The following NPEPPS variants were observed in gnomAD, a reference collection of about 807,000 sequenced individuals.
The protein encoded by NPEPPS is puromycin-sensitive aminopeptidase.
A neutral mutation model predicts 115.5 loss-of-function variants in NPEPPS; 14 were observed. That is an observed-to-expected ratio of 0.12 (90% CI 0.08 to 0.19). The LOEUF (loss-of-function observed/expected upper bound fraction) is 0.19. NPEPPS is among the 10% of genes least tolerant of loss of function. The pLI is 1.00. For missense variants in NPEPPS, 523 were observed against 1,110.8 expected (o/e 0.47, Z 7.52); for synonymous variants, 285 against 390.6 (o/e 0.73, Z 3.19).
Position 47,591,803 on chromosome 17 carries a change from C to T in NPEPPS, c.1261-153C>T, listed in dbSNP as rs1912521957. On this transcript the variant is annotated intron_variant, in intron 10 of 22. Transcript: ENST00000322157. Reference sequence around the variant, plus strand: ...TATTCAACTTTATTATTATTAGTTACTACATTTTTTTGAGGACCATCGTTA... The same window carrying T: ...TATTCAACTTTATTATTATTAGTTATTACATTTTTTTGAGGACCATCGTTA... 6.1e-6 allele frequency: 3 copies of T among 488,976 alleles called. No individual in the cohort carries two copies. In the Admixed American group the frequency reaches 1.1e-4, roughly 18 times the overall value. 30.3% of individuals were successfully genotyped at this position (488,976 alleles called of 1,614,324 possible). A position where few individuals can be genotyped will look rare whatever the true frequency, so the allele number is the denominator to read the frequency against.
intron 17 of NPEPPS, 95 bp from the exon 18 acceptor site, chr17:47,612,365 G>C (rs1162564173): frequency 7.9e-7 from 1 of 1,258,572 alleles, no homozygotes; most frequent in African/African-American, 1.5e-5. Context: ...CAAGACCATA[G>C]AATTGGTATA....
At position 47,590,893 on chromosome 17, in the gene NPEPPS, T is replaced by A. The variant is rs779356106; in HGVS notation, c.1260+12T>A. On this transcript the variant is annotated intron_variant, in intron 10 of 22. Transcript: ENST00000322157. ...GCCATCCTATTGAAGTGAGCCATAC[T>A]TTCTAACCATTAGCCTATGACTGCT... The A allele has an allele frequency of 6.5e-7, 1 of 1,532,776 alleles. No homozygotes were observed. The highest frequency in any genetic ancestry group is 8.8e-7 in the Non-Finnish European group (1 of 1,137,100). The allele number at this position is 1,532,776 out of a possible 1,614,324, so 94.9% of individuals were successfully genotyped here. A position where few individuals can be genotyped will look rare whatever the true frequency, so the allele number is the denominator to read the frequency against.
chr17:47,556,249 C>T (rs1162864633), intron 2 of NPEPPS, among the ~76,000 whole-genome samples: 1 of 150,172 alleles, frequency 6.7e-6, no homozygotes, highest in Admixed American at 6.6e-5. Flanking sequence ...GTGTTTGTGT[C>T]CCTGGGTACT....
chr17:47,536,704 C>CTT (rs572115219), intron 1 of NPEPPS, among the ~76,000 whole-genome samples: 3,391 of 76,384 alleles, frequency 0.044, 188 homozygotes, highest in Non-Finnish European at 0.061. Context: ...TGCCTGGCTT[C>CTT]TTTTTTTTTT....
rs1257565195 is a variant in NPEPPS at position 47,618,433 on chromosome 17, A to G, written c.2379A>G (p.Gln793=). 5 of 1,613,654 alleles carry G rather than the reference A, an allele frequency of 3.1e-6. No homozygotes were observed. In the African/African-American group the frequency reaches 6.7e-5, roughly 22 times the overall value. Residue 793 remains glutamine (Q), a synonymous_variant, in exon 20 of 23, where the codon CAA becomes CAG. Transcript: ENST00000322157. ...CTACTCTTTTGCCTGACCTGATTCA[A>G]AAAGTCCTCACGTTTGCACTTTCAG... ...LGATLLPDLI[Q]KVLTFALSEE...
chr17:47,579,930 CGTGTGTGTGTGTGT>C (rs10591746), intron 4 of NPEPPS: 3,893 of 146,596 alleles, frequency 0.027, 64 homozygotes, highest in Non-Finnish European at 0.041. Flanking sequence ...TTTTTTTCTC[CGTGTGTGTGTGTGT>C]GTGTGTGTGT....
At chr17:47,559,866 C>T (rs565679878) in intron 2 of NPEPPS, among the ~76,000 whole-genome samples, 1 of 152,238 alleles carries the variant, frequency 6.6e-6, no homozygotes, top group African/African-American at 2.4e-5. Context: ...ACCTCGCCTC[C>T]CAAAATGCTG....
At chr17:47,604,305 T>G (rs1047898403) in intron 16 of NPEPPS, among the ~76,000 whole-genome samples, 6 of 152,218 alleles carry the variant, frequency 3.9e-5, no homozygotes, top group African/African-American at 1.4e-4. Flanking sequence ...AATTCCTTTC[T>G]TTTCAGTAGA....
intron 1 of NPEPPS, among the ~76,000 whole-genome samples, chr17:47,539,009 G>C (rs1426562994): frequency 6.6e-6 from 1 of 151,936 alleles, no homozygotes; most frequent in Non-Finnish European, 1.5e-5. Context: ...ATCAATTGCT[G>C]TGTGAGAGTT....
chr17:47,602,015 A>C, intron 15 of NPEPPS: 1 of 352,334 alleles, frequency 2.8e-6, no homozygotes, highest in Admixed American at 4.7e-5. Flanking sequence ...ATATGAACCA[A>C]AATATGTGTA....
At chr17:47,617,863 G>A (rs1914305429) in intron 19 of NPEPPS, among the ~76,000 whole-genome samples, 1 of 144,822 alleles carries the variant, frequency 6.9e-6, no homozygotes. Context: ...GACAAATTTA[G>A]TGCCAAAGCA....
intron 1 of NPEPPS, among the ~76,000 whole-genome samples, chr17:47,538,184 C>T (rs1320501919): frequency 3.6e-5 from 5 of 140,598 alleles, no homozygotes; most frequent in East Asian, 2.1e-4. Context: ...TGAGCCACCG[C>T]GCCTAGCCAT....
At chr17:47,559,189 A>G (rs1050017343) in intron 2 of NPEPPS, among the ~76,000 whole-genome samples, 7 of 152,124 alleles carry the variant, frequency 4.6e-5, no homozygotes, top group East Asian at 1.9e-4. Flanking sequence ...AACTACAGAT[A>G]TACGCTACCG....
At position 47,605,547 on chromosome 17, in the gene NPEPPS, G is replaced by T. The variant is rs765149025; in HGVS notation, c.2090G>T (p.Gly697Val). The T allele has an allele frequency of 6.3e-7, 1 of 1,578,864 alleles. No individual in the cohort carries two copies. Among genetic ancestry groups the T allele is most frequent in the South Asian group, 1.1e-5 (1 of 87,242 alleles). ...AGACTGGGCTGGGACCCCAAACCTG[G>T]AGAAGGTAATGGATATACTAAATGG... is the stretch of plus-strand genomic sequence containing the variant. ...GERLGWDPKP[G>V]EGHLDALLRG... is the part of the protein sequence containing the mutation. The change falls in exon 17 of 23, where the codon GGA (glycine) becomes GTA (valine). Residue 697 changes from glycine (G) to valine (V), a missense_variant. Gly to Val is a moderately radical substitution (Grantham distance 109). This residue lies in a region of NPEPPS where 372 missense variants were observed against 542.6 expected (regional missense o/e 0.69). Coordinates refer to ENST00000322157, the MANE Select transcript of NPEPPS (RefSeq NM_006310.4).
At chr17:47,542,373 C>G (rs1006724296) in intron 1 of NPEPPS, among the ~76,000 whole-genome samples, 6 of 151,876 alleles carry the variant, frequency 4.0e-5, no homozygotes, top group African/African-American at 1.5e-4. Context: ...ATGGAGAAAC[C>G]CCGTCTCTAC....
chr17:47,618,962 AAT>A (rs761009970), intron 20 of NPEPPS, 45 bp from the exon 21 acceptor site: 25 of 1,574,346 alleles, frequency 1.6e-5, no homozygotes, highest in Non-Finnish European at 2.0e-5. Context: ...CTGGTACCAG[AAT>A]ATGTTTTTGA....
intron 2 of NPEPPS, among the ~76,000 whole-genome samples, chr17:47,568,631 C>T (rs950533611): frequency 6.6e-6 from 1 of 151,926 alleles, no homozygotes; most frequent in Non-Finnish European, 1.5e-5. Context: ...ATTCAATTTG[C>T]ATACCTGTTT....
upstream of NPEPPS, among the ~76,000 whole-genome samples, chr17:47,528,537 G>A (rs996533814): frequency 1.1e-4 from 16 of 152,138 alleles, no homozygotes; most frequent in African/African-American, 2.9e-4. Context: ...TACTGATCAC[G>A]TGAAATGTGG....
chr17:47,602,339 G>C (rs1433729650), intron 15 of NPEPPS, among the ~76,000 whole-genome samples: 1 of 151,840 alleles, frequency 6.6e-6, no homozygotes, highest in African/African-American at 2.4e-5. Flanking sequence ...TTAAAAAAAA[G>C]CCCGCCGAAC....
Sources: gnomAD v4.1 joint callset for allele counts (sites outside exome capture counted in the v4.1 genomes callset) on GRCh38, gnomAD v4.1.1 for gene constraint, gnomAD v4.1.1 regional missense constraint, MANE v1.5 for transcripts, NCBI Gene and HGNC (gene_info 2026-07-23, HGNC 2026-07-21) for gene names.